The following RERE variants were observed in gnomAD, a reference collection of about 807,000 sequenced individuals.
The protein encoded by RERE is arginine-glutamic acid dipeptide repeats protein.
A neutral mutation model predicts 146.1 loss-of-function variants in RERE; 40 were observed. The ratio of observed to expected loss-of-function variants is 0.27; its 90% confidence interval spans 0.21 to 0.36. RERE has a LOEUF of 0.36. RERE is among the 10% of genes least tolerant of loss of function. The pLI, the probability that RERE is intolerant of heterozygous loss-of-function variation, is 1.00. For synonymous variants in RERE, 1,003 were observed against 866.0 expected, an observed-to-expected ratio of 1.16 and a Z score of -2.78; for missense variants, 1,933 against 2,138.7, an observed-to-expected ratio of 0.90 and a Z score of 1.90.
At chr1:8,360,058 T>C (rs1641494255) in intron 18 of RERE, 54 bp downstream of exon 18, 26 of 1,503,382 alleles carry the variant, frequency 1.7e-5, no homozygotes, top group Non-Finnish European at 2.0e-5. Context: ...CACCAGAACT[T>C]GCCCCCACCA....
At chr1:8,361,977 C>G (rs1464120579) in intron 16 of RERE, 101 bp from the exon 17 acceptor site, 11 of 804,172 alleles carry the variant, frequency 1.4e-5, no homozygotes, top group South Asian at 6.6e-5. Flanking sequence ...CTCCCTCATT[C>G]TGAGTTCCAT....
At chr1:8,505,963 TAA>T (rs887340713) in intron 8 of RERE, among the ~76,000 whole-genome samples, 1 of 152,246 alleles carries the variant, frequency 6.6e-6, no homozygotes, top group Non-Finnish European at 1.5e-5. Flanking sequence ...CATCTGATTT[TAA>T]ATGGTGGTAT....
intron 1 of RERE, among the ~76,000 whole-genome samples, chr1:8,728,068 G>A (rs1223240094): frequency 6.6e-6 from 1 of 152,204 alleles, no homozygotes; most frequent in Non-Finnish European, 1.5e-5. Flanking sequence ...CTAAGCATCT[G>A]TCCTTTCAGC....
intron 4 of RERE, among the ~76,000 whole-genome samples, chr1:8,575,559 A>ATT (rs1455771268): frequency 1.5e-4 from 10 of 66,034 alleles, no homozygotes; most frequent in African/African-American, 5.9e-4. Context: ...ATATATATAT[A>ATT]TATTTTTTTT....
At chr1:8,403,978 G>A (rs1011757922) in intron 12 of RERE, among the ~76,000 whole-genome samples, 9 of 151,618 alleles carry the variant, frequency 5.9e-5, no homozygotes, top group African/African-American at 1.9e-4. Context: ...TTACAGGCAC[G>A]CGTCACCACG....
intron 1 of RERE, among the ~76,000 whole-genome samples, chr1:8,701,889 A>G (rs1011579093): frequency 1.3e-5 from 2 of 152,210 alleles, no homozygotes; most frequent in Non-Finnish European, 2.9e-5. Context: ...TTACTAGGCA[A>G]TGTAAATATT....
intron 1 of RERE, among the ~76,000 whole-genome samples, chr1:8,720,667 AG>A (rs1639847569): frequency 6.6e-6 from 1 of 152,226 alleles, no homozygotes; most frequent in Admixed American, 6.5e-5. Flanking sequence ...AGGCCACTGT[AG>A]GGGAGTTCTT....
At position 8,499,706 on chromosome 1, in the gene RERE, T is replaced by C. The variant is rs575176015; in HGVS notation, c.880-2177A>G. Among the ~76,000 whole-genome samples the C allele has an allele frequency of 3.9e-5, 6 of 152,390 alleles. No homozygotes were observed. The South Asian group carries it at 1.2e-3, about 32-fold the overall frequency. On this transcript the variant is annotated intron_variant, in intron 8 of 22. Coordinates refer to ENST00000400908, the MANE Select transcript of RERE (RefSeq NM_001042681.2). ...TGTCTTCCATGCCTCTAAATGTGTATCAAGCTGACTTTCTCCAAGCAAGGA... is the reference window on the plus strand; with the variant it reads ...TGTCTTCCATGCCTCTAAATGTGTACCAAGCTGACTTTCTCCAAGCAAGGA...
At chr1:8,514,085 T>G (rs1204822428) in intron 7 of RERE, among the ~76,000 whole-genome samples, 1 of 152,238 alleles carries the variant, frequency 6.6e-6, no homozygotes, top group Non-Finnish European at 1.5e-5. Context: ...TGCCTTTCAG[T>G]GTAGAGAAGC....
chr1:8,557,046 A>T (rs1031266826), intron 5 of RERE, among the ~76,000 whole-genome samples: 2 of 151,870 alleles, frequency 1.3e-5, no homozygotes, highest in Non-Finnish European at 2.9e-5. Context: ...GGAAAAAAAA[A>T]AAACAGAAAG....
chr1:8,805,072 G>A (rs368186011), intron 1 of RERE, among the ~76,000 whole-genome samples: 55 of 140,820 alleles, frequency 3.9e-4, no homozygotes, highest in Admixed American at 3.3e-3. Context: ...GTGCAGTGGC[G>A]TGATTTCGGC....
intron 1 of RERE, among the ~76,000 whole-genome samples, chr1:8,795,152 A>C (rs1360313362): frequency 2.0e-5 from 3 of 152,016 alleles, no homozygotes; most frequent in African/African-American, 4.8e-5. Flanking sequence ...CAGCCTCCCA[A>C]GTAGCTGGGA....
At chr1:8,703,478 C>T (rs1331354126) in intron 1 of RERE, among the ~76,000 whole-genome samples, 1 of 151,788 alleles carries the variant, frequency 6.6e-6, no homozygotes, top group South Asian at 2.1e-4. Flanking sequence ...TGGAGCCCAG[C>T]CCGCTCCGCG....
At chr1:8,685,615 T>C (rs900124705) in intron 1 of RERE, among the ~76,000 whole-genome samples, 2 of 152,190 alleles carry the variant, frequency 1.3e-5, no homozygotes, top group Non-Finnish European at 2.9e-5. Flanking sequence ...CACGCCCCTG[T>C]AGTCCCAGCT....
chr1:8,698,051 T>C (rs1639372424), intron 1 of RERE, among the ~76,000 whole-genome samples: 1 of 152,192 alleles, frequency 6.6e-6, no homozygotes, highest in African/African-American at 2.4e-5. Context: ...AGCAAAGGAA[T>C]AAAGAACGGC....
intron 12 of RERE, among the ~76,000 whole-genome samples, chr1:8,414,854 A>C (rs746330217): frequency 3.3e-5 from 5 of 152,142 alleles, no homozygotes; most frequent in African/African-American, 7.2e-5. Flanking sequence ...GACAGGAAAA[A>C]AAAAATCTTA....
At position 8,768,477 on chromosome 1, in the gene RERE, T is replaced by C. The variant is rs866062316; in HGVS notation, c.-145+48683A>G. 1.1e-3 allele frequency among the ~76,000 whole-genome samples: 162 copies of C among 152,324 alleles called. 1 individual carries two copies. The highest frequency in any genetic ancestry group is 1.8e-3 in the African/African-American group (73 of 41,582). On this transcript the variant is annotated intron_variant, in intron 1 of 22. Coordinates refer to ENST00000400908, the MANE Select transcript of RERE (RefSeq NM_001042681.2). ...AGAACTGTTGGGAATGATGGAAATATACTGTATCTGTGCTGGCCAACACAG... is the reference window on the plus strand; with the variant it reads ...AGAACTGTTGGGAATGATGGAAATACACTGTATCTGTGCTGGCCAACACAG...
chr1:8,810,732 G>T (rs1382526172), intron 1 of RERE, among the ~76,000 whole-genome samples: 1 of 152,088 alleles, frequency 6.6e-6, no homozygotes, highest in African/African-American at 2.4e-5. Context: ...GTATTCTTTG[G>T]GGTAAGGGAG....
At chr1:8,732,461 T>C (rs1310979634) in intron 1 of RERE, among the ~76,000 whole-genome samples, 1 of 151,898 alleles carries the variant, frequency 6.6e-6, no homozygotes, top group African/African-American at 2.4e-5. Context: ...GACAAAACTA[T>C]AGAGATAGTA....
Sources: gnomAD v4.1 joint callset for allele counts (sites outside exome capture counted in the v4.1 genomes callset) on GRCh38, gnomAD v4.1.1 for gene constraint, MANE v1.5 for transcripts, NCBI Gene and HGNC (gene_info 2026-07-23, HGNC 2026-07-21) for gene names.